ANKRD26: variants seen among roughly 807,000 people sequenced by gnomAD.
ANKRD26 encodes the protein ankyrin repeat domain-containing protein 26.
Under a neutral mutation model 208.7 loss-of-function variants are expected in ANKRD26, and 141 were observed. The ratio of observed to expected loss-of-function variants is 0.68; its 90% CI spans 0.59 to 0.78. The LOEUF is 0.78. Among genes scored for constraint, ANKRD26 ranks in the 30% least tolerant of loss-of-function variants. The pLI is 0.00. For synonymous variants in ANKRD26, 636 were observed against 660.4 expected, an observed-to-expected ratio of 0.96 and a Z score of 0.57; for missense variants, 1,889 against 1,938.7, an observed-to-expected ratio of 0.97 and a Z score of 0.48.
chr10:27,046,830 G>A (rs2054464464), intron 17 of ANKRD26, among the ~76,000 whole-genome samples: 1 of 151,982 alleles, frequency 6.6e-6, no homozygotes, highest in Admixed American at 6.6e-5. Context: ...GTTGATATAT[G>A]AAAAGATATA....
At chr10:27,061,555 A>AT (rs2055056667) in intron 12 of ANKRD26, among the ~76,000 whole-genome samples, 1 of 118,470 alleles carries the variant, frequency 8.4e-6, no homozygotes, top group African/African-American at 3.3e-5. Context: ...TCAATGCAAC[A>AT]TCTATTTTTT....
chr10:27,091,626 T>C (rs2056302070), intron 4 of ANKRD26, among the ~76,000 whole-genome samples: 1 of 152,168 alleles, frequency 6.6e-6, no homozygotes, highest in Non-Finnish European at 1.5e-5. Context: ...TAACACAGCA[T>C]TTCTGAAGGA....
chr10:27,063,187 A>G (rs2055124882), intron 12 of ANKRD26, among the ~76,000 whole-genome samples: 5 of 152,180 alleles, frequency 3.3e-5, no homozygotes, highest in Admixed American at 3.3e-4. Flanking sequence ...CCCAACAGTG[A>G]GGTGGATGGG....
chr10:27,008,811 G>A (rs2052985166), intron 32 of ANKRD26, among the ~76,000 whole-genome samples: 1 of 152,014 alleles, frequency 6.6e-6, no homozygotes, highest in South Asian at 2.1e-4. Flanking sequence ...GCTACATAAA[G>A]TCTCTTCCAG....
At chr10:26,970,891 G>A (rs11015436), downstream of ANKRD26, among the ~76,000 whole-genome samples, 36,495 of 152,130 alleles carry the variant, frequency 0.24, 10,108 homozygotes, top group African/African-American at 0.68. Flanking sequence ...GAAGTAAGGG[G>A]ACATGATTAT....
chr10:27,013,754 C>CA (rs2134913595), intron 31 of ANKRD26, among the ~76,000 whole-genome samples: 1 of 152,048 alleles, frequency 6.6e-6, no homozygotes, highest in Admixed American at 6.5e-5. Flanking sequence ...TAATTCAGAG[C>CA]AAAAAATTGT....
chr10:27,085,096 T>C (rs1310262491), intron 5 of ANKRD26, among the ~76,000 whole-genome samples: 4 of 151,324 alleles, frequency 2.6e-5, no homozygotes, highest in Admixed American at 6.6e-5. Context: ...AACACACTTG[T>C]TTTTTTTGTT....
At position 27,005,629 on chromosome 10, in the gene ANKRD26, T is replaced by A; in HGVS notation, c.5094A>T (p.Arg1698Ser). ...LNQDLVWKAS[R>S]EYVQVLKKNY... Reference sequence around the variant, plus strand: ...TTTTCTTTAAAACCTGTACATATTCTCTTGATGCTTTCCAAACTAGATCTT... The same window carrying A: ...TTTTCTTTAAAACCTGTACATATTCACTTGATGCTTTCCAAACTAGATCTT... The change falls in exon 34 of 34, where the codon AGA (arginine) becomes AGT (serine). Residue 1698 changes from arginine to serine, a missense_variant. Physicochemically the swap from Arg to Ser is moderately radical, Grantham distance 110. Transcript: ENST00000376087. 1 of 1,613,160 alleles carries A rather than the reference T, an allele frequency of 6.2e-7. No homozygotes were observed. The highest frequency in any genetic ancestry group is 8.5e-7 in the Non-Finnish European group (1 of 1,179,478).
chr10:27,025,408 G>A (rs938297144), intron 27 of ANKRD26, among the ~76,000 whole-genome samples: 1 of 152,044 alleles, frequency 6.6e-6, no homozygotes, highest in Non-Finnish European at 1.5e-5. Context: ...AGTCTGAAGC[G>A]ATTCTCCTGC....
rs192562456 is a variant in ANKRD26 at position 27,018,939 on chromosome 10, T to C, written c.4216-1147A>G. On this transcript the variant is annotated intron_variant, in intron 29 of 33. Transcript: ENST00000376087. ...GACATTGGTCTAGGCAAAGATTTTA[T>C]GGCTATTTTCAAAACCGTAGGCAAA... Among the ~76,000 whole-genome samples the C allele has an allele frequency of 3.9e-5, 6 of 152,236 alleles. No individual in the cohort carries two copies. In the East Asian group the frequency reaches 1.2e-3, roughly 29 times the overall value.
At chr10:27,092,960 G>A (rs888258450) in intron 3 of ANKRD26, among the ~76,000 whole-genome samples, 2 of 152,092 alleles carry the variant, frequency 1.3e-5, no homozygotes, top group Non-Finnish European at 2.9e-5. Flanking sequence ...GTGGGTACCT[G>A]TAATCCCAGC....
At position 27,066,809 on chromosome 10, in the gene ANKRD26, G is replaced by GA. The variant is rs200881734; in HGVS notation, c.1208-262dup. The stretch of plus-strand genomic sequence containing the variant: ...TATGTTAATTGGTTGTCTTAGAATA[G>GA]ATTTTTTTTTTTTTTTGAGACAGAG... On this transcript the variant is annotated intron_variant, in intron 10 of 33. Coordinates refer to ENST00000376087, the MANE Select transcript of ANKRD26 (RefSeq NM_014915.3). Among the ~76,000 whole-genome samples, 603 of 148,490 alleles carry GA rather than the reference G, an allele frequency of 4.1e-3. 1 individual carries two copies. Among genetic ancestry groups the GA allele is most frequent in the East Asian group, 0.011 (55 of 5,084 alleles).
At chr10:27,002,174 A>C (rs1160285726), downstream of ANKRD26, among the ~76,000 whole-genome samples, 3 of 152,092 alleles carry the variant, frequency 2.0e-5, no homozygotes, top group African/African-American at 7.2e-5. Flanking sequence ...GCTTGGGAGG[A>C]AAGTGGTGAA....
chr10:26,956,432 A>G, the ANKRD26 span, among the ~76,000 whole-genome samples: 1 of 152,082 alleles, frequency 6.6e-6, no homozygotes, highest in Non-Finnish European at 1.5e-5. Flanking sequence ...TTTTCAGAAG[A>G]GGTTTATTCT....
chr10:27,077,803 A>G lies in ANKRD26; in HGVS notation c.814-110T>C, dbSNP rs188835564. 1.2e-3 allele frequency: 1,154 copies of G among 970,692 alleles called. 10 individuals are homozygous for G. The African/African-American group carries it at 0.017, about 14-fold the overall frequency. The allele number at this position is 970,692 out of a possible 1,614,324, so 60.1% of individuals were successfully genotyped here. A position where few individuals can be genotyped will look rare whatever the true frequency, so the allele number is the denominator to read the frequency against. On this transcript the variant is annotated intron_variant, in intron 7 of 33. Coordinates refer to ENST00000376087, the MANE Select transcript of ANKRD26 (RefSeq NM_014915.3). ...CTACATGATCTAACACAAAGAACAA[A>G]GATTTTGGAGTCACTCAGATGTAGA...
chr10:27,010,689 G>C (rs2053069058), intron 32 of ANKRD26, among the ~76,000 whole-genome samples: 2 of 152,026 alleles, frequency 1.3e-5, no homozygotes, highest in African/African-American at 4.8e-5. Flanking sequence ...GTAGAAATGA[G>C]ATCTCACTAT....
At position 27,100,235 on chromosome 10, in the gene ANKRD26, C is replaced by T. The variant is rs199849785; in HGVS notation, c.92G>A (p.Gly31Glu). ...RSSAGGGGEP[G>E]EGAYSQPGYH... The stretch of plus-strand genomic sequence containing the variant: ...GCCGGGCTGCGAGTAGGCGCCCTCC[C>T]CCGGCTCGCCCCCGCCTCCCGCGCT... The change falls in exon 1 of 34, where the codon GGG becomes GAG. Residue 31 changes from glycine (G) to glutamate (E), a missense_variant. Physicochemically the swap from Gly to Glu is moderately conservative, Grantham distance 98. Around this residue, in one of 3 missense-constraint regions of ANKRD26, gnomAD observed 1,272 missense variants for 1,273.8 expected, o/e 1.00. Coordinates refer to ENST00000376087, the MANE Select transcript of ANKRD26 (RefSeq NM_014915.3). 4.3e-6 allele frequency: 7 copies of T among 1,612,304 alleles called. No individual in the cohort carries two copies. The highest frequency in any genetic ancestry group is 1.7e-5 in the Admixed American group (1 of 60,016).
At chr10:27,027,712 A>T (rs972489577) in intron 27 of ANKRD26, among the ~76,000 whole-genome samples, 11 of 152,150 alleles carry the variant, frequency 7.2e-5, no homozygotes, top group Admixed American at 5.9e-4. Flanking sequence ...ATCAATAAGG[A>T]TTTTCATATT....
chr10:27,054,224 T>C (rs1485456314), intron 15 of ANKRD26, among the ~76,000 whole-genome samples: 2 of 152,184 alleles, frequency 1.3e-5, no homozygotes, highest in Non-Finnish European at 2.9e-5. Context: ...GTATAAACAG[T>C]CTTTATCTAT....
Sources: gnomAD v4.1 joint callset for allele counts (sites outside exome capture counted in the v4.1 genomes callset) on GRCh38, gnomAD v4.1.1 for gene constraint, gnomAD v4.1.1 regional missense constraint, MANE v1.5 for transcripts, NCBI Gene and HGNC (gene_info 2026-07-23, HGNC 2026-07-21) for gene names.